DYDC2: variants seen among roughly 807,000 people sequenced by gnomAD.
DYDC2 encodes DPY30 domain containing 2.
Under a neutral mutation model 18.7 loss-of-function variants are expected in DYDC2, and 19 were observed. The ratio of observed to expected loss-of-function variants is 1.02; its 90% CI spans 0.71 to 1.49. DYDC2 has a LOEUF of 1.49. Ranked by LOEUF, DYDC2 falls within the 40% of genes most tolerant of loss-of-function variation. DYDC2 has a pLI of 0.00. For synonymous variants in DYDC2, 63 were observed against 67.6 expected, an observed-to-expected ratio of 0.93 and a Z score of 0.34; for missense variants, 179 against 205.1, an observed-to-expected ratio of 0.87 and a Z score of 0.78.
At chr10:80,351,267 G>A (rs1457316090) in intron 1 of DYDC2, among the ~76,000 whole-genome samples, 1 of 152,086 alleles carries the variant, frequency 6.6e-6, no homozygotes, top group Non-Finnish European at 1.5e-5. Flanking sequence ...AATCAAAGAA[G>A]TGCCTTCTCC....
At chr10:80,345,879 A>AT (rs1180263340) in intron 1 of DYDC2, among the ~76,000 whole-genome samples, 1 of 152,154 alleles carries the variant, frequency 6.6e-6, no homozygotes, top group Non-Finnish European at 1.5e-5. Flanking sequence ...TTTTTTCAAG[A>AT]CAGGGTCTTG....
At chr10:80,348,129 T>C (rs2132807928) in intron 1 of DYDC2, among the ~76,000 whole-genome samples, 1 of 152,358 alleles carries the variant, frequency 6.6e-6, no homozygotes, top group Admixed American at 6.5e-5. Flanking sequence ...CTCAATTTTT[T>C]GCATTAGTGT....
upstream of DYDC2, among the ~76,000 whole-genome samples, chr10:80,353,622 C>T (rs957187379): frequency 8.0e-5 from 12 of 150,432 alleles, no homozygotes; most frequent in Non-Finnish European, 1.3e-4. Context: ...GAGGCCGAGG[C>T]GGGCGGATCA....
At chr10:80,355,236 C>T (rs911820866), upstream of DYDC2, among the ~76,000 whole-genome samples, 1 of 151,886 alleles carries the variant, frequency 6.6e-6, no homozygotes, top group East Asian at 2.0e-4. Context: ...TGGACAAATG[C>T]ATCTAGCATT....
intron 2 of DYDC2, among the ~76,000 whole-genome samples, chr10:80,358,409 T>C (rs1564671532): frequency 6.6e-6 from 1 of 152,148 alleles, no homozygotes; most frequent in African/African-American, 2.4e-5. Flanking sequence ...TCCCCTTGAC[T>C]CCTTCCCCTC....
chr10:80,349,820 T>C (rs1842882165), intron 1 of DYDC2, among the ~76,000 whole-genome samples: 1 of 151,988 alleles, frequency 6.6e-6, no homozygotes, highest in African/African-American at 2.4e-5. Context: ...TCAAAACAAA[T>C]AAACAAAAAA....
chr10:80,347,848 T>G, intron 1 of DYDC2, among the ~76,000 whole-genome samples: 1 of 152,254 alleles, frequency 6.6e-6, no homozygotes, highest in East Asian at 1.9e-4. Flanking sequence ...CTGTTGTAAT[T>G]ACTATGGCTT....
intron 1 of DYDC2, among the ~76,000 whole-genome samples, chr10:80,357,035 G>C (rs1273083714): frequency 7.1e-6 from 1 of 141,392 alleles, no homozygotes; most frequent in African/African-American, 2.6e-5. Flanking sequence ...CGGGGCGCCC[G>C]GCAGAGAGAA....
At chr10:80,358,108 G>A (rs953010803) in intron 2 of DYDC2, 63 bp downstream of exon 2, 2 of 974,294 alleles carry the variant, frequency 2.1e-6, no homozygotes, top group Non-Finnish European at 2.4e-6. Context: ...CAGGCGCGGT[G>A]GCTCACCGCC....
At chr10:80,348,404 T>A (rs983759224) in intron 1 of DYDC2, among the ~76,000 whole-genome samples, 4 of 152,212 alleles carry the variant, frequency 2.6e-5, no homozygotes, top group African/African-American at 9.6e-5. Flanking sequence ...TGGCAAAACA[T>A]CACTCATATG....
chr10:80,351,569 T>C (rs1285669387), intron 1 of DYDC2, among the ~76,000 whole-genome samples: 2 of 152,048 alleles, frequency 1.3e-5, no homozygotes, highest in Admixed American at 6.6e-5. Flanking sequence ...ATAGATATGG[T>C]TGACCACTCA....
At chr10:80,354,545 G>T (rs1016377952), upstream of DYDC2, 4 of 151,798 alleles carry the variant, frequency 2.6e-5, no homozygotes, top group Non-Finnish European at 5.9e-5. Context: ...ATAGGTACTG[G>T]GAATACAAAA....
intron 2 of DYDC2, among the ~76,000 whole-genome samples, chr10:80,362,153 G>A (rs1401987040): frequency 6.6e-6 from 1 of 152,212 alleles, no homozygotes; most frequent in Non-Finnish European, 1.5e-5. Context: ...GTTAAGGCTA[G>A]ATCTGAGCTT....
At chr10:80,352,756 G>A (rs376216865), upstream of DYDC2, 2 of 1,068,224 alleles carry the variant, frequency 1.9e-6, no homozygotes, top group East Asian at 3.2e-5. Context: ...AAGCAAGCTG[G>A]CCCCAGGAAA....
At chr10:80,355,161 C>T (rs1455384241), upstream of DYDC2, among the ~76,000 whole-genome samples, 1 of 151,406 alleles carries the variant, frequency 6.6e-6, no homozygotes, top group African/African-American at 2.4e-5. Context: ...TGAGGAAAGG[C>T]CCTGATATAG....
At chr10:80,345,339 C>T (rs1034182554) in intron 1 of DYDC2, among the ~76,000 whole-genome samples, 1 of 152,208 alleles carries the variant, frequency 6.6e-6, no homozygotes, top group South Asian at 2.1e-4. Flanking sequence ...ATTGAAGATG[C>T]ATATAATGTT....
At chr10:80,364,855 C>T (rs961737993) in intron 4 of DYDC2, among the ~76,000 whole-genome samples, 1 of 152,148 alleles carries the variant, frequency 6.6e-6, no homozygotes, top group Non-Finnish European at 1.5e-5. Context: ...AAGAGAGAGC[C>T]ACAACATTAA....
upstream of DYDC2, among the ~76,000 whole-genome samples, chr10:80,353,235 G>C (rs1223456050): frequency 6.6e-6 from 1 of 151,706 alleles, no homozygotes; most frequent in African/African-American, 2.4e-5. Flanking sequence ...CTCACAATCT[G>C]GCCCCAATTT....
upstream of DYDC2, chr10:80,352,488 G>A (rs774632739): frequency 1.2e-6 from 2 of 1,610,262 alleles, no homozygotes; most frequent in Non-Finnish European, 1.7e-6. Context: ...CCTTATACTT[G>A]TAAATCCACA....
Sources: gnomAD v4.1 joint callset for allele counts (sites outside exome capture counted in the v4.1 genomes callset) on GRCh38, gnomAD v4.1.1 for gene constraint, MANE v1.5 for transcripts, NCBI Gene and HGNC (gene_info 2026-07-23, HGNC 2026-07-21) for gene names.